Variants in CLNK observed in about 807,000 individuals in gnomAD.
The protein encoded by CLNK is cytokine dependent hematopoietic cell linker, also known as cytokine-dependent hematopoietic cell linker.
Under a neutral mutation model 68.6 loss-of-function variants are expected in CLNK, and 74 were observed. That is an observed-to-expected ratio of 1.08 (90% CI 0.89 to 1.31). The LOEUF (loss-of-function observed/expected upper bound fraction) is 1.31. Ranked by LOEUF, CLNK falls within the 50% of genes most tolerant of loss-of-function variation. CLNK has a pLI of 0.00. For synonymous variants in CLNK, 198 were observed against 172.2 expected, an observed-to-expected ratio of 1.15 and a Z score of -1.17; for missense variants, 553 against 515.3, an observed-to-expected ratio of 1.07 and a Z score of -0.71.
intron 2 of CLNK, among the ~76,000 whole-genome samples, chr4:10,652,554 T>C (rs983722100): frequency 5.3e-5 from 8 of 152,160 alleles, no homozygotes; most frequent in African/African-American, 1.9e-4. Context: ...TTGGTTATTA[T>C]ATTAATGGCA....
rs35323799 is a variant in CLNK at position 10,515,448 on chromosome 4, ATT to A, written c.773-1853_773-1852del. The stretch of plus-strand genomic sequence containing the variant: ...GTTCATTCTCTACTTTGGAAACACC[ATT>A]TTTTTTTTTTCAACTTGAAAGAATA... On this transcript the variant is annotated intron_variant, in intron 15 of 18. Transcript: ENST00000226951. Among the ~76,000 whole-genome samples, 7 of 143,346 alleles carry A rather than the reference ATT, an allele frequency of 4.9e-5. 1 individual carries two copies. The East Asian group carries it at 8.0e-4, about 16-fold the overall frequency. 94.0% of individuals were successfully genotyped at this position (143,346 alleles called of 152,430 possible). A position where few individuals can be genotyped will look rare whatever the true frequency, so the allele number is the denominator to read the frequency against.
the CLNK span, among the ~76,000 whole-genome samples, chr4:10,724,880 G>A: frequency 1.3e-5 from 2 of 152,142 alleles, no homozygotes; most frequent in Admixed American, 6.5e-5. Flanking sequence ...GCTTAGTGAC[G>A]GGAGAGAAGA....
At chr4:10,633,223 C>T (rs1722956693) in intron 2 of CLNK, among the ~76,000 whole-genome samples, 1 of 152,214 alleles carries the variant, frequency 6.6e-6, no homozygotes, top group Admixed American at 6.5e-5. Flanking sequence ...CGGCATCAGC[C>T]ACCACACCTG....
chr4:10,680,067 C>T (rs757142790), intron 1 of CLNK, among the ~76,000 whole-genome samples: 7 of 152,138 alleles, frequency 4.6e-5, no homozygotes, highest in African/African-American at 7.2e-5. Context: ...CACATGCACA[C>T]GTATGTTTAT....
At chr4:10,663,760 A>G (rs1560268729) in intron 2 of CLNK, among the ~76,000 whole-genome samples, 1 of 152,188 alleles carries the variant, frequency 6.6e-6, no homozygotes, top group Non-Finnish European at 1.5e-5. Context: ...CCTTAACTTC[A>G]TATGTTGAAA....
intron 17 of CLNK, among the ~76,000 whole-genome samples, chr4:10,507,006 C>T (rs1164994373): frequency 1.3e-5 from 2 of 151,788 alleles, no homozygotes; most frequent in African/African-American, 2.4e-5. Context: ...GGGTTTTCAC[C>T]GTGTTAGCCA....
the CLNK span, among the ~76,000 whole-genome samples, chr4:10,707,855 C>A: frequency 1.3e-5 from 2 of 152,180 alleles, no homozygotes; most frequent in African/African-American, 2.4e-5. Flanking sequence ...TTGCACATCT[C>A]ACAACATAGA....
At chr4:10,547,708 T>A (rs1284980107) in intron 8 of CLNK, among the ~76,000 whole-genome samples, 1 of 152,148 alleles carries the variant, frequency 6.6e-6, no homozygotes, top group Admixed American at 6.6e-5. Context: ...AGTTTGACTG[T>A]GTTAGGTTCC....
intron 2 of CLNK, among the ~76,000 whole-genome samples, chr4:10,617,617 A>C (rs1301822323): frequency 6.6e-6 from 1 of 152,264 alleles, no homozygotes; most frequent in African/African-American, 2.4e-5. Context: ...AACATTAAAA[A>C]TAAAGGCTTT....
chr4:10,612,988 A>G (rs1033049361), intron 2 of CLNK, among the ~76,000 whole-genome samples: 2 of 152,244 alleles, frequency 1.3e-5, no homozygotes, highest in African/African-American at 4.8e-5. Flanking sequence ...TTTTACCAAA[A>G]TGAATTCAAC....
chr4:10,621,052 G>T (rs1418609315), intron 2 of CLNK, among the ~76,000 whole-genome samples: 1 of 152,150 alleles, frequency 6.6e-6, no homozygotes, highest in African/African-American at 2.4e-5. Flanking sequence ...AGAGCTTGCA[G>T]TGAGCCGAGA....
chr4:10,613,440 C>T (rs541639629), intron 2 of CLNK, among the ~76,000 whole-genome samples: 2 of 152,256 alleles, frequency 1.3e-5, no homozygotes, highest in East Asian at 3.9e-4. Flanking sequence ...GGAATGCCTG[C>T]AGGGATGGAT....
chr4:10,535,005 TTTGCGACAGAGA>T (rs1489297150), intron 11 of CLNK, among the ~76,000 whole-genome samples: 2 of 152,160 alleles, frequency 1.3e-5, no homozygotes, highest in African/African-American at 4.8e-5. Flanking sequence ...AGCATACATT[TTTGCGACAGAGA>T]TTGTTTGAAT....
chr4:10,614,291 T>C (rs1220777249), intron 2 of CLNK, among the ~76,000 whole-genome samples: 2 of 152,178 alleles, frequency 1.3e-5, no homozygotes, highest in Admixed American at 1.3e-4. Flanking sequence ...TGGTAAACAC[T>C]GTCATTACAG....
At chr4:10,650,607 T>C (rs6852747) in intron 2 of CLNK, among the ~76,000 whole-genome samples, 151,129 of 152,258 alleles carry the variant, frequency 0.99, 75,006 homozygotes, top group East Asian at 1. Context: ...AGAAAACAAC[T>C]GTCAATCTGA....
chr4:10,597,563 A>G (rs746615378), intron 3 of CLNK, among the ~76,000 whole-genome samples: 1 of 152,202 alleles, frequency 6.6e-6, no homozygotes, highest in African/African-American at 2.4e-5. Context: ...AGGACAAAGG[A>G]AATAACAGTG....
intron 4 of CLNK, among the ~76,000 whole-genome samples, chr4:10,572,718 C>G (rs1720398506): frequency 6.6e-6 from 1 of 152,202 alleles, no homozygotes; most frequent in African/African-American, 2.4e-5. Context: ...CCAAGAAATT[C>G]AGGATAAATT....
At chr4:10,525,967 A>G in intron 13 of CLNK, 45 bp from the exon 14 acceptor site, 1 of 1,168,968 alleles carries the variant, frequency 8.6e-7, no homozygotes, top group South Asian at 1.4e-5. Flanking sequence ...CAAAAGAAAA[A>G]TAATTGAGAA....
At chr4:10,558,948 C>T (rs1331184734) in intron 7 of CLNK, among the ~76,000 whole-genome samples, 4 of 152,096 alleles carry the variant, frequency 2.6e-5, no homozygotes. Flanking sequence ...TTTCCTGAGG[C>T]TTAGTTTCCT....
Sources: allele counts gnomAD v4.1 joint callset (sites outside exome capture counted in the v4.1 genomes callset), GRCh38; gene constraint gnomAD v4.1.1; transcripts MANE v1.5; gene names NCBI Gene and HGNC (gene_info 2026-07-23, HGNC 2026-07-21).